The following SSBP3 variants were observed in gnomAD, a reference collection of about 807,000 sequenced individuals.
SSBP3 encodes single-stranded DNA-binding protein 3.
SSBP3 carries 5 observed loss-of-function variants against 69.6 expected under a neutral mutation model. That is an observed-to-expected ratio of 0.07 (90% confidence interval 0.04 to 0.15). The LOEUF (loss-of-function observed/expected upper bound fraction) is 0.15, where lower values mean the gene tolerates loss of function less well. SSBP3 is among the 10% of genes least tolerant of loss of function. The pLI is 1.00. For synonymous variants in SSBP3, 196 were observed against 193.4 expected (o/e 1.01, Z -0.11); for missense variants, 312 against 534.0 (o/e 0.58, Z 4.10).
chr1:54,351,359 C>T (rs774566866), intron 4 of SSBP3, among the ~76,000 whole-genome samples: 1 of 152,156 alleles, frequency 6.6e-6, no homozygotes, highest in Non-Finnish European at 1.5e-5. Context: ...CAATTATACC[C>T]CATTCCCAAG....
At chr1:54,232,804 A>C (rs1266788579) in intron 14 of SSBP3, among the ~76,000 whole-genome samples, 1 of 152,198 alleles carries the variant, frequency 6.6e-6, no homozygotes, top group Non-Finnish European at 1.5e-5. Flanking sequence ...GGCCGTCTCC[A>C]GCCCCTAACC....
At chr1:54,251,285 G>A (rs912034772) in intron 9 of SSBP3, among the ~76,000 whole-genome samples, 7 of 152,202 alleles carry the variant, frequency 4.6e-5, no homozygotes, top group African/African-American at 9.7e-5. Context: ...GCAGCTCTGG[G>A]GTTCAGGAGC....
chr1:54,375,324 G>T (rs141895143), intron 4 of SSBP3, among the ~76,000 whole-genome samples: 1 of 151,134 alleles, frequency 6.6e-6, no homozygotes, highest in South Asian at 2.1e-4. Flanking sequence ...TTCCTACTTG[G>T]GGGGGATCAC....
chr1:54,251,319 T>C (rs1393957003), intron 9 of SSBP3, among the ~76,000 whole-genome samples: 3 of 152,150 alleles, frequency 2.0e-5, no homozygotes. Context: ...TCAGACCCCA[T>C]GATAGGCTAC....
chr1:54,331,453 C>T (rs1646409207), intron 4 of SSBP3, among the ~76,000 whole-genome samples: 1 of 152,224 alleles, frequency 6.6e-6, no homozygotes, highest in Admixed American at 6.5e-5. Flanking sequence ...ACCATGTATA[C>T]AGCCAACACA....
At chr1:54,325,931 G>C (rs1288685551) in intron 4 of SSBP3, among the ~76,000 whole-genome samples, 1 of 152,040 alleles carries the variant, frequency 6.6e-6, no homozygotes, top group Non-Finnish European at 1.5e-5. Context: ...TGTACTCTCG[G>C]GTGGATTTCA....
At chr1:54,235,448 A>AGTTTTTTTTTTTTTTTT (rs1644472900) in intron 14 of SSBP3, among the ~76,000 whole-genome samples, 1 of 69,910 alleles carries the variant, frequency 1.4e-5, no homozygotes, top group African/African-American at 6.6e-5. Flanking sequence ...TGCCCGGCTG[A>AGTTTTTTTTTTTTTTTT]TTTTTTTTTT....
intron 5 of SSBP3, among the ~76,000 whole-genome samples, chr1:54,276,608 C>CAAAAAAAAAAAAAAAAAAAAAAA (rs746933473): frequency 2.8e-5 from 1 of 35,224 alleles, no homozygotes; most frequent in African/African-American, 1.5e-4. Flanking sequence ...GACTCTGTCT[C>CAAAAAAAAAAAAAAAAAAAAAAA]AAAAAAAAAA....
intron 4 of SSBP3, among the ~76,000 whole-genome samples, chr1:54,324,831 A>G (rs1431544163): frequency 6.6e-6 from 1 of 152,138 alleles, no homozygotes; most frequent in East Asian, 1.9e-4. Context: ...TATGTCGGTA[A>G]ATCTGCTAAA....
Position 54,402,737 on chromosome 1 carries a change from C to T in SSBP3, c.192-792G>A, listed in dbSNP as rs541588699. Among the ~76,000 whole-genome samples, 27 of 152,304 alleles carry T rather than the reference C, an allele frequency of 1.8e-4. No homozygotes were observed. In the Middle Eastern group the frequency reaches 0.014, roughly 77 times the overall value. On this transcript the variant is annotated intron_variant, in intron 3 of 17. Transcript: ENST00000610401. ...GCCTAGAAATGCCTGCCTCACCCCC[C>T]ACTAAAGATTTTGTATGGTCACTCC...
Position 54,357,006 on chromosome 1 carries a change from A to G in SSBP3, c.276+44855T>C, listed in dbSNP as rs190068524. ...GGTAGAGCCCCTCACCTCACTCCAC[A>G]TCTTCTGGGTGGAGGGAACAGGGCT... On this transcript the variant is annotated intron_variant, in intron 4 of 17. Coordinates refer to ENST00000610401, the Ensembl canonical transcript of SSBP3. Among the ~76,000 whole-genome samples the G allele has an allele frequency of 1.5e-3, 233 of 151,836 alleles. 2 individuals carry two copies. Among genetic ancestry groups the G allele is most frequent in the Admixed American group, 5.1e-3 (78 of 15,224 alleles).
intron 4 of SSBP3, among the ~76,000 whole-genome samples, chr1:54,358,109 C>G (rs558689942): frequency 2.6e-5 from 4 of 152,162 alleles, no homozygotes; most frequent in African/African-American, 7.2e-5. Context: ...AAGGAAGGAG[C>G]TTTTTCCATT....
At chr1:54,290,652 A>T (rs1233782594) in intron 4 of SSBP3, among the ~76,000 whole-genome samples, 1 of 152,146 alleles carries the variant, frequency 6.6e-6, no homozygotes, top group Non-Finnish European at 1.5e-5. Flanking sequence ...GTTTGGTAAG[A>T]GGTGGAGCCC....
At chr1:54,405,715 C>T (rs1346298506) in intron 1 of SSBP3, among the ~76,000 whole-genome samples, 1 of 151,744 alleles carries the variant, frequency 6.6e-6, no homozygotes, top group African/African-American at 2.4e-5. Flanking sequence ...GTACCCCCTC[C>T]GGCGGCTCCC....
chr1:54,352,381 C>G (rs1453727684), intron 4 of SSBP3, among the ~76,000 whole-genome samples: 1 of 152,168 alleles, frequency 6.6e-6, no homozygotes, highest in Non-Finnish European at 1.5e-5. Context: ...TGGATCCAAA[C>G]TTCTTGGCTG....
chr1:54,258,575 G>A lies in SSBP3; in HGVS notation c.367-426C>T, dbSNP rs927112264. Among the ~76,000 whole-genome samples, 3 of 152,194 alleles carry A rather than the reference G, an allele frequency of 2.0e-5. No homozygotes were observed. Among genetic ancestry groups the A allele is most frequent in the Non-Finnish European group, 2.9e-5 (2 of 68,038 alleles). Reference sequence around the variant, plus strand: ...CTTGCACGGGAGGTGGGGAAAGATCGGGAAGGGCCCTGCCCTCAAGGAGCT... The same window carrying A: ...CTTGCACGGGAGGTGGGGAAAGATCAGGAAGGGCCCTGCCCTCAAGGAGCT... On this transcript the variant is annotated intron_variant, in intron 5 of 17. Transcript: ENST00000610401. This position sits in a 1 kb window ranked among gnomAD's most constrained non-coding sequence, Gnocchi z 4.5.
In SSBP3 at chr1:54,404,940, G is replaced by A. The variant is rs200498753; in HGVS notation, c.57-10C>T. Reference sequence around the variant, plus strand: ...GACGTATAAAGCTAACCTGGAAAGTGGACAGGGGGCAAAGAGAGAGAGGGA... The same window carrying A: ...GACGTATAAAGCTAACCTGGAAAGTAGACAGGGGGCAAAGAGAGAGAGGGA... On this transcript the variant is annotated splice_polypyrimidine_tract_variant and intron_variant, in intron 1 of 17. Coordinates refer to ENST00000610401, the Ensembl canonical transcript of SSBP3. The A allele has an allele frequency of 6.2e-7, 1 of 1,611,294 alleles. No individual in the cohort carries two copies. Among genetic ancestry groups the A allele is most frequent in the Non-Finnish European group, 8.5e-7 (1 of 1,179,164 alleles).
intron 4 of SSBP3, among the ~76,000 whole-genome samples, chr1:54,312,301 A>G (rs550730024): frequency 1.3e-5 from 2 of 152,048 alleles, no homozygotes; most frequent in East Asian, 3.9e-4. Context: ...TAAAAAAAAA[A>G]AAAAGAGGCC....
At chr1:54,407,380 G>A (rs1287679165), upstream of SSBP3, among the ~76,000 whole-genome samples, 1 of 151,934 alleles carries the variant, frequency 6.6e-6, no homozygotes, top group South Asian at 2.1e-4. Flanking sequence ...GGAGTGAGGG[G>A]ACGAGAGTCA....
Sources: allele counts gnomAD v4.1 joint callset (sites outside exome capture counted in the v4.1 genomes callset), GRCh38; gene constraint gnomAD v4.1.1; non-coding constraint Gnocchi (gnomAD v3.1); transcripts MANE v1.5; gene names NCBI Gene and HGNC (gene_info 2026-07-23, HGNC 2026-07-21).